Variants in RGS6 observed in about 807,000 individuals in gnomAD.
The protein encoded by RGS6 is regulator of G protein signaling 6.
RGS6 carries 30 observed loss-of-function variants against 78.5 expected under a neutral mutation model. The ratio of observed to expected loss-of-function variants is 0.38; its 90% CI spans 0.29 to 0.52. The LOEUF (loss-of-function observed/expected upper bound fraction) is 0.52. Ranked by LOEUF, RGS6 falls within the 20% of genes least tolerant of loss-of-function variation. The pLI is 0.85. For missense variants in RGS6, 495 were observed against 609.7 expected (o/e 0.81, Z 1.98); for synonymous variants, 206 against 206.0 (o/e 1.00, Z 0.00).
chr14:72,457,511 C>T (rs1048082074), intron 4 of RGS6, among the ~76,000 whole-genome samples: 2 of 151,884 alleles, frequency 1.3e-5, no homozygotes, highest in Non-Finnish European at 2.9e-5. Context: ...GTTGCTCAGG[C>T]TTGTCTCAAA....
intron 2 of RGS6, among the ~76,000 whole-genome samples, chr14:72,185,390 C>G (rs1005327994): frequency 6.6e-6 from 1 of 152,114 alleles, no homozygotes; most frequent in Non-Finnish European, 1.5e-5. Context: ...TTGAGTGTTT[C>G]TGTAAATGAC....
intron 3 of RGS6, among the ~76,000 whole-genome samples, chr14:72,435,801 C>T (rs1483797838): frequency 6.9e-6 from 1 of 144,736 alleles, no homozygotes; most frequent in African/African-American, 2.5e-5. Context: ...CTCTCTGATC[C>T]TTCTACCTCT....
chr14:72,489,731 AAGGCGAGGTGAGACGAGGCG>A (rs139367861), intron 12 of RGS6, among the ~76,000 whole-genome samples: 20,046 of 151,208 alleles, frequency 0.13, 1,442 homozygotes, highest in Middle Eastern at 0.2. Context: ...AAGGAGAGGC[AAGGCGAGGTGAGACGAGGCG>A]AGGCGAGGTG....
chr14:72,371,389 A>G (rs1354431699), intron 3 of RGS6, among the ~76,000 whole-genome samples: 4 of 152,340 alleles, frequency 2.6e-5, no homozygotes, highest in Non-Finnish European at 4.4e-5. Flanking sequence ...GAAGGAAAAG[A>G]CAGGCAGTTT....
At chr14:72,229,743 G>T (rs545818080) in intron 2 of RGS6, among the ~76,000 whole-genome samples, 1 of 152,148 alleles carries the variant, frequency 6.6e-6, no homozygotes, top group Non-Finnish European at 1.5e-5. Flanking sequence ...AGCTCCCTTC[G>T]GAGATTCTGG....
At chr14:72,391,251 A>C (rs1055475767) in intron 3 of RGS6, among the ~76,000 whole-genome samples, 1 of 99,226 alleles carries the variant, frequency 1.0e-5, no homozygotes, top group African/African-American at 8.6e-5. Flanking sequence ...AAAGAAATTC[A>C]AACTTCAAGA....
intron 17 of RGS6, among the ~76,000 whole-genome samples, chr14:72,555,433 C>A (rs749830120): frequency 6.6e-6 from 1 of 152,204 alleles, no homozygotes. Flanking sequence ...GAGGGGAAGC[C>A]GCTTCGCAGC....
chr14:72,616,239 G>T, the RGS6 span, among the ~76,000 whole-genome samples: 1 of 152,190 alleles, frequency 6.6e-6, no homozygotes, highest in Non-Finnish European at 1.5e-5. Context: ...TGGCAGTGTT[G>T]GTCGGAAAGT....
chr14:72,551,922 T>TA (rs1357621020), intron 17 of RGS6, among the ~76,000 whole-genome samples: 3 of 152,200 alleles, frequency 2.0e-5, no homozygotes, highest in Admixed American at 6.5e-5. Flanking sequence ...GAGATAAGAG[T>TA]AAATAAGTAG....
chr14:72,626,807 G>A, the RGS6 span, among the ~76,000 whole-genome samples: 6 of 151,972 alleles, frequency 3.9e-5, no homozygotes, highest in Admixed American at 3.9e-4. Context: ...ATGTATGAAG[G>A]CACCATTTTT....
At chr14:72,312,680 G>A (rs542691671) in intron 2 of RGS6, among the ~76,000 whole-genome samples, 23 of 152,342 alleles carry the variant, frequency 1.5e-4, no homozygotes, top group African/African-American at 5.1e-4. Context: ...GGTAGCTCAT[G>A]CGTCGACAGG....
At chr14:72,528,739 G>A (rs562629508) in intron 15 of RGS6, among the ~76,000 whole-genome samples, 1 of 152,288 alleles carries the variant, frequency 6.6e-6, no homozygotes, top group Admixed American at 6.5e-5. Flanking sequence ...AGAGCACGCG[G>A]GCCAGCACGC....
chr14:72,154,267 A>T (rs1316117059), intron 2 of RGS6, among the ~76,000 whole-genome samples: 2 of 152,114 alleles, frequency 1.3e-5, no homozygotes, highest in Non-Finnish European at 2.9e-5. Flanking sequence ...TTCAAGGTAC[A>T]CTGATTTCAT....
chr14:71,897,741 G>A, the RGS6 span, among the ~76,000 whole-genome samples: 6 of 151,952 alleles, frequency 3.9e-5, no homozygotes, highest in South Asian at 2.1e-4. Context: ...AGATGGTCTC[G>A]ATCTCTTGAC....
At chr14:71,948,391 G>A (rs1015710794) in intron 1 of RGS6, among the ~76,000 whole-genome samples, 6 of 152,138 alleles carry the variant, frequency 3.9e-5, no homozygotes, top group Admixed American at 1.3e-4. Flanking sequence ...CATCATCCCT[G>A]CAATTATAAC....
chr14:72,495,381 T>C, intron 13 of RGS6, 119 bp downstream of exon 13: 2 of 698,754 alleles, frequency 2.9e-6, no homozygotes, highest in Admixed American at 4.1e-5. Flanking sequence ...CAGAAACCCC[T>C]CAAGTAGCCT....
chr14:72,389,554 A>G (rs370274658), intron 3 of RGS6, among the ~76,000 whole-genome samples: 25 of 152,304 alleles, frequency 1.6e-4, no homozygotes, highest in African/African-American at 5.5e-4. Context: ...GCCAGCATCA[A>G]AGAGCAAGGT....
At chr14:71,979,483 G>C (rs369724159) in intron 2 of RGS6, among the ~76,000 whole-genome samples, 4 of 151,952 alleles carry the variant, frequency 2.6e-5, no homozygotes, top group African/African-American at 4.8e-5. Context: ...TCATTGGTTT[G>C]AAAGAACATC....
chr14:72,446,119 A>G (rs186142598), intron 3 of RGS6, among the ~76,000 whole-genome samples: 4 of 152,288 alleles, frequency 2.6e-5, no homozygotes, highest in Admixed American at 1.3e-4. Context: ...ATTAGCCAGC[A>G]TGGTGGTACA....
Sources: gnomAD v4.1 joint callset for allele counts (sites outside exome capture counted in the v4.1 genomes callset) on GRCh38, gnomAD v4.1.1 for gene constraint, MANE v1.5 for transcripts, NCBI Gene and HGNC (gene_info 2026-07-23, HGNC 2026-07-21) for gene names.